Variants in VAMP7 observed in about 807,000 individuals in gnomAD.
VAMP7 encodes the protein vesicle-associated membrane protein 7.
Under a neutral mutation model 29.6 loss-of-function variants are expected in VAMP7, and 14 were observed. That is an observed-to-expected ratio of 0.47 (90% CI 0.31 to 0.74). The LOEUF (loss-of-function observed/expected upper bound fraction) is 0.74, where lower values mean the gene tolerates loss of function less well. Ranked by LOEUF, VAMP7 falls within the 30% of genes least tolerant of loss-of-function variation. VAMP7 has a pLI of 0.05. For missense variants in VAMP7, 223 were observed against 262.4 expected (o/e 0.85, Z 1.04); for synonymous variants, 95 against 88.1 (o/e 1.08, Z -0.44).
intron 6 of VAMP7, among the ~76,000 whole-genome samples, chrX:155,938,442 T>A (rs1465677175): frequency 6.6e-6 from 1 of 152,112 alleles, no homozygotes; most frequent in Non-Finnish European, 1.5e-5. Context: ...GTGGATTTTT[T>A]AAAACCAATA....
chrX:155,927,404 GC>G, intron 6 of VAMP7, among the ~76,000 whole-genome samples: 1 of 86,540 alleles, frequency 1.2e-5, no homozygotes, highest in Admixed American at 1.3e-4. Flanking sequence ...TGCAGGCCAA[GC>G]AGGAAAAAAA....
intron 5 of VAMP7, among the ~76,000 whole-genome samples, chrX:155,906,684 C>A (rs1359890439): frequency 6.6e-6 from 1 of 152,062 alleles, no homozygotes; most frequent in Non-Finnish European, 1.5e-5. Flanking sequence ...ACCTTGTTCT[C>A]CTTTATTAGT....
intron 2 of VAMP7, among the ~76,000 whole-genome samples, chrX:155,894,068 T>A (rs1017701607): frequency 2.0e-5 from 3 of 152,186 alleles, no homozygotes; most frequent in Non-Finnish European, 4.4e-5. Flanking sequence ...GGTACCCCTA[T>A]CTATCCACTT....
At chrX:155,900,464 A>C in intron 4 of VAMP7, 33 bp from the exon 5 acceptor site, 3 of 1,499,548 alleles carry the variant, frequency 2.0e-6, no homozygotes, top group Non-Finnish European at 2.7e-6. Flanking sequence ...AATAATGTCT[A>C]GGTACCATAA....
intron 6 of VAMP7, among the ~76,000 whole-genome samples, chrX:155,937,577 ATAAAAT>A (rs1484143263): frequency 1.3e-5 from 2 of 152,208 alleles, no homozygotes; most frequent in Admixed American, 6.5e-5. Flanking sequence ...GCAGAAAAAA[ATAAAAT>A]TAGAGTAGAA....
intron 6 of VAMP7, among the ~76,000 whole-genome samples, chrX:155,937,478 G>T (rs2066677863): frequency 6.6e-6 from 1 of 152,052 alleles, no homozygotes; most frequent in Non-Finnish European, 1.5e-5. Flanking sequence ...CTTGATTGTG[G>T]TAATAATTTC....
At chrX:155,940,625 T>C (rs2066729580) in intron 7 of VAMP7, among the ~76,000 whole-genome samples, 1 of 152,336 alleles carries the variant, frequency 6.6e-6, no homozygotes, top group East Asian at 1.9e-4. Flanking sequence ...TGATTACTTA[T>C]TACATGCAGA....
intron 6 of VAMP7, among the ~76,000 whole-genome samples, chrX:155,930,768 TG>T (rs2066539760): frequency 6.6e-6 from 1 of 152,026 alleles, no homozygotes. Flanking sequence ...CGTGCAGGTT[TG>T]TTACATATGT....
intron 6 of VAMP7, among the ~76,000 whole-genome samples, chrX:155,933,739 T>C (rs904465922): frequency 2.0e-5 from 3 of 152,202 alleles, no homozygotes; most frequent in African/African-American, 7.2e-5. Context: ...TGCCTTCTGC[T>C]AGCTTTTGAA....
chrX:155,883,526 T>C (rs111892612), intron 1 of VAMP7, among the ~76,000 whole-genome samples: 136 of 152,290 alleles, frequency 8.9e-4, no homozygotes, highest in Non-Finnish European at 1.4e-3. Flanking sequence ...TTGCAAGAAT[T>C]AATGTAATAG....
intron 4 of VAMP7, among the ~76,000 whole-genome samples, chrX:155,898,655 A>G (rs2066019275): frequency 6.6e-6 from 1 of 152,028 alleles, no homozygotes; most frequent in Non-Finnish European, 1.5e-5. Flanking sequence ...ATGAATCCCT[A>G]ATTGTCAGCT....
chrX:155,896,395 A>G (rs6642248), intron 3 of VAMP7, among the ~76,000 whole-genome samples: 92,564 of 151,996 alleles, frequency 0.61, 28,303 homozygotes, highest in East Asian at 0.69. Context: ...CCTTTAATGT[A>G]TGTGAACTTT....
At chrX:155,893,770 C>T (rs1468226458) in intron 2 of VAMP7, among the ~76,000 whole-genome samples, 2 of 152,190 alleles carry the variant, frequency 1.3e-5, no homozygotes, top group African/African-American at 4.8e-5. Context: ...GGCCTTGTCT[C>T]CAAATATAGT....
chrX:155,897,290 C>T (rs1402931916), intron 3 of VAMP7, among the ~76,000 whole-genome samples: 1 of 152,032 alleles, frequency 6.6e-6, no homozygotes, highest in Non-Finnish European at 1.5e-5. Flanking sequence ...GGACCATTGA[C>T]CCCAATTTAA....
At chrX:155,917,054 C>A (rs1391951395) in intron 5 of VAMP7, among the ~76,000 whole-genome samples, 1 of 152,088 alleles carries the variant, frequency 6.6e-6, no homozygotes, top group East Asian at 1.9e-4. Flanking sequence ...TTTGTTCATT[C>A]CTTTTCATTA....
rs1474314381 is a variant in VAMP7, at chrX:155,900,552, T to G, written c.398T>G (p.Val133Gly). 1 of 1,610,798 alleles carries G rather than the reference T, an allele frequency of 6.2e-7. No individual in the cohort carries two copies. The highest frequency in any genetic ancestry group is 8.5e-7 in the Non-Finnish European group (1 of 1,178,156). ...LDKVMETQAQ[V>G]DELKGIMVRN... is the part of the protein sequence containing the mutation. ...AAAGTGATGGAGACTCAAGCCCAAG[T>G]GGATGAACTGAAAGGAATCATGGTC... The change falls in exon 5 of 8, where the codon GTG becomes GGG. Residue 133 changes from valine (V) to glycine (G), a missense_variant. Coordinates refer to ENST00000286448, the MANE Select transcript of VAMP7 (RefSeq NM_005638.6).
rs144740706 is a variant in VAMP7, at chrX:155,939,776, A to G, written c.577A>G (p.Ile193Val). The G allele has an allele frequency of 3.4e-4, 550 of 1,613,326 alleles. No homozygotes were observed. The highest frequency in any genetic ancestry group is 4.2e-4 in the Non-Finnish European group (498 of 1,179,454). ...CMKNLKLTIIIIIVSIVFIYI... is the reference protein window; with the variant it reads ...CMKNLKLTIIVIIVSIVFIYI... Reference sequence around the variant, plus strand: ...GAAGAACCTCAAGCTCACTATTATCATCATCATCGTATCAATTGTAAGTTT... The same window carrying G: ...GAAGAACCTCAAGCTCACTATTATCGTCATCATCGTATCAATTGTAAGTTT... Residue 193 changes from isoleucine to valine, a missense_variant, in exon 7 of 8, where the codon ATC becomes GTC. By Grantham distance (29) the Ile-to-Val change is conservative (BLOSUM62 3). Transcript: ENST00000286448.
At chrX:155,936,493 T>C (rs4893108) in intron 6 of VAMP7, among the ~76,000 whole-genome samples, 98,416 of 152,084 alleles carry the variant, frequency 0.65, 32,309 homozygotes, top group African/African-American at 0.77. Context: ...TGGGACCCTC[T>C]GAGCCAGGCG....
At chrX:155,892,783 G>A (rs146187436) in intron 2 of VAMP7, among the ~76,000 whole-genome samples, 8 of 151,080 alleles carry the variant, frequency 5.3e-5, no homozygotes, top group East Asian at 3.9e-4. Flanking sequence ...ACGAAGTTTC[G>A]CTTTTGTTGC....
Sources: allele counts gnomAD v4.1 joint callset (sites outside exome capture counted in the v4.1 genomes callset), GRCh38; gene constraint gnomAD v4.1.1; transcripts MANE v1.5; gene names NCBI Gene and HGNC (gene_info 2026-07-23, HGNC 2026-07-21).